The following SLC44A3 variants were observed in gnomAD, a reference collection of about 807,000 sequenced individuals.
SLC44A3 encodes the protein solute carrier family 44 member 3, also known as choline transporter-like protein 3.
Under a neutral mutation model 75.4 loss-of-function variants are expected in SLC44A3, and 74 were observed. That is an observed-to-expected ratio of 0.98 (90% CI 0.81 to 1.19). SLC44A3 has a LOEUF of 1.19. Ranked by LOEUF, SLC44A3 falls within the 50% of genes most tolerant of loss-of-function variation. The pLI is 0.00. For synonymous variants in SLC44A3, 310 were observed against 296.9 expected (o/e 1.04, Z -0.45); for missense variants, 700 against 778.6 (o/e 0.90, Z 1.20).
At chr1:94,876,421 C>T (rs928328798) in intron 12 of SLC44A3, among the ~76,000 whole-genome samples, 10 of 152,340 alleles carry the variant, frequency 6.6e-5, no homozygotes, top group African/African-American at 2.4e-4. Context: ...ACCTTGAAGT[C>T]CATGCTCTTG....
Position 94,826,081 on chromosome 1 carries a change from T to G in SLC44A3, c.279-1426T>G, listed in dbSNP as rs888000719. 3.8e-5 allele frequency: 14 copies of G among 365,270 alleles called. No individual in the cohort carries two copies. The Admixed American group carries it at 4.4e-4, about 11-fold the overall frequency. The allele number at this position is 365,270 out of a possible 1,614,324, so 22.6% of individuals were successfully genotyped here. A position where few individuals can be genotyped will look rare whatever the true frequency, so the allele number is the denominator to read the frequency against. On this transcript the variant is annotated intron_variant, in intron 3 of 14. Transcript: ENST00000271227. Reference sequence around the variant, plus strand: ...AAAGGAAGGAAATTCTGACACATACTACAACAGGGATGAACCCTGAGGATG... The same window carrying G: ...AAAGGAAGGAAATTCTGACACATACGACAACAGGGATGAACCCTGAGGATG...
In SLC44A3 at chr1:94,820,745, G is replaced by A. The variant is rs1001686676; in HGVS notation, c.28-204G>A. 7 of 1,393,992 alleles carry A rather than the reference G, an allele frequency of 5.0e-6. No individual in the cohort carries two copies. In the African/African-American group the frequency reaches 1.0e-4, roughly 20 times the overall value. 86.4% of individuals were successfully genotyped at this position (1,393,992 alleles called of 1,614,324 possible). On this transcript the variant is annotated intron_variant, in intron 1 of 14. Coordinates refer to ENST00000271227, the MANE Select transcript of SLC44A3 (RefSeq NM_001114106.3). ...CCAGGTAAGCACTTGGCGGCAGGGG[G>A]CTTAACATCCGCTCCGCGCAGAGCA... is the stretch of plus-strand genomic sequence containing the variant.
intron 5 of SLC44A3, among the ~76,000 whole-genome samples, chr1:94,831,593 T>C (rs1387455085): frequency 1.3e-5 from 2 of 152,160 alleles, no homozygotes; most frequent in African/African-American, 4.8e-5. Flanking sequence ...AACAAGCAAA[T>C]AGATCTTTTT....
At position 94,882,609 on chromosome 1, in the gene SLC44A3, C is replaced by T. The variant is rs886284256; in HGVS notation, c.1483-8521C>T. On this transcript the variant is annotated intron_variant, in intron 12 of 14. Coordinates refer to ENST00000271227, the MANE Select transcript of SLC44A3 (RefSeq NM_001114106.3). ...GGGGGATGAAGGTGACACTTCGACA[C>T]GGTCCTCTAACTTGGACCTGCCTCT... Among the ~76,000 whole-genome samples, 6 of 152,258 alleles carry T rather than the reference C, an allele frequency of 3.9e-5. No individual in the cohort carries two copies. In the South Asian group the frequency reaches 1.0e-3, roughly 26 times the overall value.
chr1:94,892,241 T>C (rs771077841), intron 13 of SLC44A3, 40 bp from the exon 14 acceptor site: 2 of 1,572,024 alleles, frequency 1.3e-6, no homozygotes, highest in Admixed American at 3.5e-5. Flanking sequence ...TCTAAGCAAC[T>C]GATTCATAAA....
chr1:94,867,254 T>C lies in SLC44A3; in HGVS notation c.1396-77T>C, dbSNP rs952668654. 9 of 1,316,748 alleles carry C rather than the reference T, an allele frequency of 6.8e-6. No homozygotes were observed. The African/African-American group carries it at 1.2e-4, about 17-fold the overall frequency. The allele number at this position is 1,316,748 out of a possible 1,614,324, so 81.6% of individuals were successfully genotyped here. On this transcript the variant is annotated intron_variant, in intron 11 of 14. Transcript: ENST00000271227. Reference sequence around the variant, plus strand: ...CCCAGGTGCATAAGTAAAAACTGTGTTTCCTCAGAAACTGCCTGCTTTTCT... The same window carrying C: ...CCCAGGTGCATAAGTAAAAACTGTGCTTCCTCAGAAACTGCCTGCTTTTCT...
chr1:94,826,348 T>A (rs1334855870), intron 3 of SLC44A3, among the ~76,000 whole-genome samples: 1 of 152,226 alleles, frequency 6.6e-6, no homozygotes, highest in Non-Finnish European at 1.5e-5. Context: ...AATGTCACTG[T>A]ACACTTAGAA....
At chr1:94,848,568 G>A (rs1158616956) in intron 9 of SLC44A3, among the ~76,000 whole-genome samples, 1 of 152,186 alleles carries the variant, frequency 6.6e-6, no homozygotes, top group African/African-American at 2.4e-5. Flanking sequence ...TCTGGATAAG[G>A]GGAACTGTGT....
At chr1:94,890,280 T>G (rs536277934) in intron 12 of SLC44A3, among the ~76,000 whole-genome samples, 57 of 152,298 alleles carry the variant, frequency 3.7e-4, no homozygotes, top group South Asian at 1.5e-3. Flanking sequence ...CTCTAAATAC[T>G]TTTTTTCCAG....
At chr1:94,874,729 C>T (rs1191778072) in intron 12 of SLC44A3, among the ~76,000 whole-genome samples, 1 of 152,148 alleles carries the variant, frequency 6.6e-6, no homozygotes, top group Non-Finnish European at 1.5e-5. Flanking sequence ...GTATCAACTA[C>T]CTATAGCCTC....
chr1:94,854,124 G>A (rs1665558999), intron 9 of SLC44A3, among the ~76,000 whole-genome samples: 1 of 152,136 alleles, frequency 6.6e-6, no homozygotes, highest in East Asian at 1.9e-4. Context: ...AAGACAGGAC[G>A]AGATCACCAA....
intron 5 of SLC44A3, among the ~76,000 whole-genome samples, chr1:94,832,312 A>C (rs1002189979): frequency 6.6e-6 from 1 of 152,234 alleles, no homozygotes; most frequent in Admixed American, 6.5e-5. Context: ...ATATTGCCTC[A>C]GTAAAAATAA....
intron 5 of SLC44A3, among the ~76,000 whole-genome samples, chr1:94,829,727 A>G (rs1341009740): frequency 1.3e-5 from 2 of 152,230 alleles, no homozygotes; most frequent in Non-Finnish European, 2.9e-5. Flanking sequence ...TATGTTTACA[A>G]TGTAGGAGAC....
chr1:94,876,379 G>C (rs989930882), intron 12 of SLC44A3, among the ~76,000 whole-genome samples: 2 of 152,164 alleles, frequency 1.3e-5, no homozygotes, highest in African/African-American at 2.4e-5. Flanking sequence ...TCTTTGTCTG[G>C]AACAGTTGTT....
intron 12 of SLC44A3, among the ~76,000 whole-genome samples, chr1:94,876,605 T>C (rs535014482): frequency 1.3e-5 from 2 of 152,334 alleles, no homozygotes; most frequent in Admixed American, 1.3e-4. Flanking sequence ...AAGGAATACA[T>C]GCCACTTTGA....
chr1:94,859,605 G>A (rs912683181), intron 10 of SLC44A3, among the ~76,000 whole-genome samples: 17 of 152,292 alleles, frequency 1.1e-4, no homozygotes, highest in African/African-American at 3.6e-4. Flanking sequence ...CTCAGGAGTA[G>A]TTAGACCCCC....
chr1:94,889,402 T>G (rs1238504040), intron 12 of SLC44A3: 2 of 152,202 alleles, frequency 1.3e-5, no homozygotes, highest in Non-Finnish European at 2.9e-5. Flanking sequence ...ATTCTTGTTG[T>G]AATCTGCAAT....
intron 2 of SLC44A3, among the ~76,000 whole-genome samples, chr1:94,822,909 T>C (rs1660814409): frequency 6.6e-6 from 1 of 152,172 alleles, no homozygotes; most frequent in Admixed American, 6.5e-5. Flanking sequence ...TTTATAGTAG[T>C]AGTTTCTTGG....
intron 5 of SLC44A3, among the ~76,000 whole-genome samples, chr1:94,832,217 G>A (rs975919982): frequency 3.9e-5 from 6 of 152,110 alleles, no homozygotes; most frequent in East Asian, 1.9e-4. Flanking sequence ...TCTAAATCTC[G>A]AAAGGCGTAG....
Sources: gnomAD v4.1 joint callset for allele counts (sites outside exome capture counted in the v4.1 genomes callset) on GRCh38, gnomAD v4.1.1 for gene constraint, MANE v1.5 for transcripts, NCBI Gene and HGNC (gene_info 2026-07-23, HGNC 2026-07-21) for gene names.